The following ABCC8 variants were observed in gnomAD, a reference collection of about 807,000 sequenced individuals.
ABCC8 encodes the protein ATP binding cassette subfamily C member 8, also known as ATP-binding cassette sub-family C member 8.
Under a neutral mutation model 188.0 loss-of-function variants are expected in ABCC8, and 137 were observed. The observed-to-expected ratio is 0.73, with a 90% CI of 0.63 to 0.84. The LOEUF is 0.84. ABCC8 is among the 40% of genes least tolerant of loss of function. ABCC8 has a pLI of 0.00. For synonymous variants in ABCC8, 797 were observed against 846.5 expected, an observed-to-expected ratio of 0.94 and a Z score of 1.01; for missense variants, 1,750 against 2,072.7, an observed-to-expected ratio of 0.84 and a Z score of 3.02.
chr11:17,475,142 C>T (rs1168687091), intron 1 of ABCC8, 115 bp from the exon 2 acceptor site: 1 of 1,473,904 alleles, frequency 6.8e-7, no homozygotes, highest in East Asian at 2.5e-5. Context: ...GACACCTACA[C>T]ATGAGGATCC....
At chr11:17,422,917 C>T (rs1955409710) in intron 16 of ABCC8, among the ~76,000 whole-genome samples, 1 of 152,070 alleles carries the variant, frequency 6.6e-6, no homozygotes, top group African/African-American at 2.4e-5. Flanking sequence ...CCTCCCTTTC[C>T]CATCCCTGCC....
Position 17,397,240 on chromosome 11 carries a change from A to G in ABCC8, c.3941T>C (p.Ile1314Thr). Residue 1314 changes from isoleucine (I) to threonine (T), a missense_variant, in exon 32 of 39, where the codon ATC becomes ACC. Ile to Thr is a moderately conservative substitution (Grantham distance 89, BLOSUM62 -1). Coordinates refer to ENST00000389817, the MANE Select transcript of ABCC8 (RefSeq NM_000352.6). ...TGCCTCGGTTTTCAGGAGCCCATGG[A>G]TGCGCTTCACAGCCCCCAGCTGGAG... The part of the protein sequence containing the change: ...MELQLGAVKR[I>T]HGLLKTEAES... The G allele has an allele frequency of 6.2e-7, 1 of 1,613,698 alleles. No homozygotes were observed. The highest frequency in any genetic ancestry group is 2.2e-5 in the East Asian group (1 of 44,860).
chr11:17,458,688 C>A (rs964841033), intron 6 of ABCC8, among the ~76,000 whole-genome samples: 3 of 152,172 alleles, frequency 2.0e-5, no homozygotes, highest in Admixed American at 6.5e-5. Context: ...GCTCAAAAAG[C>A]CAGATATGGC....
At chr11:17,453,052 A>T in intron 7 of ABCC8, 67 bp downstream of exon 7, 3 of 1,339,858 alleles carry the variant, frequency 2.2e-6, no homozygotes, top group Non-Finnish European at 3.2e-6. Context: ...GAGGATGAAT[A>T]ACACTCATGG....
chr11:17,441,379 G>T (rs530605591), intron 10 of ABCC8, among the ~76,000 whole-genome samples: 2 of 152,236 alleles, frequency 1.3e-5, no homozygotes, highest in East Asian at 3.9e-4. Flanking sequence ...TCTGTAAAAT[G>T]GTTCTACCAA....
intron 7 of ABCC8, 146 bp downstream of exon 7, chr11:17,452,973 A>T: frequency 1.2e-6 from 1 of 812,216 alleles, no homozygotes; most frequent in Non-Finnish European, 2.1e-6. Flanking sequence ...GTCAATGGTT[A>T]CTGTTTTAAA....
intron 19 of ABCC8, among the ~76,000 whole-genome samples, chr11:17,414,118 C>A (rs1340961315): frequency 1.3e-5 from 2 of 152,192 alleles, no homozygotes; most frequent in Non-Finnish European, 2.9e-5. Context: ...ATTCCGTGTA[C>A]AAAGAGCTCG....
At position 17,395,855 on chromosome 11, in the gene ABCC8, C is replaced by T. The variant is rs778606487; in HGVS notation, c.4195G>A (p.Glu1399Lys). 5.1e-6 allele frequency: 8 copies of T among 1,579,236 alleles called. No homozygotes were observed. Among genetic ancestry groups the T allele is most frequent in the Middle Eastern group, 1.7e-4 (1 of 6,024 alleles). The change falls in exon 34 of 39, where the codon GAA becomes AAA. Residue 1399 changes from glutamate (E) to lysine (K), a missense_variant. Physicochemically the swap from Glu to Lys is moderately conservative, Grantham distance 56. Transcript: ENST00000389817. ...LAFFRMVDTF[E>K]GHIIIDGIDI... ...GGGTGCCCGCCTTACAACTCACCTTCGAACGTGTCCACCATGCGGAAGAAG... is the reference window on the plus strand; with the variant it reads ...GGGTGCCCGCCTTACAACTCACCTTTGAACGTGTCCACCATGCGGAAGAAG...
chr11:17,465,754 TG>T (rs1310130406), intron 3 of ABCC8, among the ~76,000 whole-genome samples: 5 of 152,194 alleles, frequency 3.3e-5, no homozygotes, highest in Non-Finnish European at 7.3e-5. Flanking sequence ...TCTCCATCCC[TG>T]TGGTACCACC....
intron 3 of ABCC8, among the ~76,000 whole-genome samples, chr11:17,465,059 G>T (rs57711591): frequency 6.6e-6 from 1 of 152,198 alleles, no homozygotes; most frequent in Non-Finnish European, 1.5e-5. Flanking sequence ...CGGGGGGATC[G>T]ATGCCATCCA....
rs923129084 is a variant in ABCC8 at position 17,432,729 on chromosome 11, T to A, written c.1631-485A>T. On this transcript the variant is annotated intron_variant, in intron 10 of 38. Coordinates refer to ENST00000389817, the MANE Select transcript of ABCC8 (RefSeq NM_000352.6). ...TCATTCTCACTGAGGTATTAGTAAC[T>A]AAGGACAGCTTAAAGCAGGATGTCC... Among the ~76,000 whole-genome samples the A allele has an allele frequency of 2.0e-5, 3 of 152,158 alleles. No homozygotes were observed. In the East Asian group the frequency reaches 5.8e-4, roughly 29 times the overall value.
chr11:17,464,467 T>C (rs58006260), intron 3 of ABCC8, among the ~76,000 whole-genome samples: 6,671 of 152,292 alleles, frequency 0.044, 468 homozygotes, highest in African/African-American at 0.14. Flanking sequence ...CTTGGATTAG[T>C]CACTTAGCCT....
At chr11:17,439,552 A>C (rs1956232669) in intron 10 of ABCC8, among the ~76,000 whole-genome samples, 1 of 152,048 alleles carries the variant, frequency 6.6e-6, no homozygotes, top group African/African-American at 2.4e-5. Flanking sequence ...CTCAAAGCAT[A>C]TGCCTGCAGC....
chr11:17,418,521 G>A (rs1955186537), intron 16 of ABCC8, among the ~76,000 whole-genome samples: 1 of 152,162 alleles, frequency 6.6e-6, no homozygotes, highest in South Asian at 2.1e-4. Flanking sequence ...CTGGTAACAT[G>A]AGACATAGAA....
intron 16 of ABCC8, 84 bp downstream of exon 16, chr11:17,426,965 A>G: frequency 6.6e-7 from 1 of 1,510,804 alleles, no homozygotes; most frequent in Non-Finnish European, 9.0e-7. Flanking sequence ...TGGGCCCTCC[A>G]ATAAATGTGT....
intron 7 of ABCC8, among the ~76,000 whole-genome samples, chr11:17,450,311 TTTC>T (rs1956738605): frequency 7.4e-6 from 1 of 135,590 alleles, no homozygotes; most frequent in Non-Finnish European, 1.5e-5. Flanking sequence ...TCTTTCTTTC[TTTC>T]TTTCTTTCTT....
intron 8 of ABCC8, among the ~76,000 whole-genome samples, chr11:17,447,335 G>A (rs1956576517): frequency 6.6e-6 from 1 of 152,282 alleles, no homozygotes; most frequent in South Asian, 2.1e-4. Context: ...TCATGCTGAC[G>A]ATTCTCCTCT....
At position 17,441,916 on chromosome 11, in the gene ABCC8, C is replaced by G. The variant is rs1956331791; in HGVS notation, c.1630+804G>C. ...CCAATATGGTGAAACTCTGTCTCTA[C>G]TAAAAATACAAAAATTAGTCGGGTG... is the stretch of plus-strand genomic sequence containing the variant. On this transcript the variant is annotated intron_variant, in intron 10 of 38. Transcript: ENST00000389817. 1.3e-5 allele frequency among the ~76,000 whole-genome samples: 2 copies of G among 152,034 alleles called. 1 individual carries two copies. The highest frequency in any genetic ancestry group is 4.2e-4 in the South Asian group (2 of 4,810).
rs145287096 is a variant in ABCC8 at position 17,449,638 on chromosome 11, C to T, written c.1177-967G>A. Among the ~76,000 whole-genome samples the T allele has an allele frequency of 2.0e-5, 3 of 152,270 alleles. No homozygotes were observed. The East Asian group carries it at 5.8e-4, about 29-fold the overall frequency. ...CAATTTTTGGATGTGTGCTCTTGAA[C>T]AAGGAAAAATGCATCCGGGTCTTAA... On this transcript the variant is annotated intron_variant, in intron 7 of 38. Transcript: ENST00000389817.
Sources: gnomAD v4.1 joint callset for allele counts (sites outside exome capture counted in the v4.1 genomes callset) on GRCh38, gnomAD v4.1.1 for gene constraint, MANE v1.5 for transcripts, NCBI Gene and HGNC (gene_info 2026-07-23, HGNC 2026-07-21) for gene names.